Variants in APOL3 observed in about 807,000 individuals in gnomAD.
APOL3 encodes the protein TNF-inducible protein CG12-1.
In APOL3, 14 loss-of-function variants were observed where a neutral mutation model predicts 11.6. The ratio of observed to expected loss-of-function variants is 1.21; its 90% confidence interval spans 0.80 to 1.89. The LOEUF (loss-of-function observed/expected upper bound fraction) is 1.89. APOL3 is among the 40% of genes most tolerant of loss of function. The pLI is 0.00. For synonymous variants in APOL3, 192 were observed against 190.6 expected, an observed-to-expected ratio of 1.01 and a Z score of -0.06; for missense variants, 483 against 492.1, an observed-to-expected ratio of 0.98 and a Z score of 0.17.
upstream of APOL3, among the ~76,000 whole-genome samples, chr22:36,161,737 C>A (rs2013707662): frequency 6.6e-6 from 1 of 151,646 alleles, no homozygotes. Flanking sequence ...GAGTAAAAGA[C>A]AAAGACAAAA....
chr22:36,154,881 C>T (rs1206868977), intron 1 of APOL3, among the ~76,000 whole-genome samples: 1 of 152,220 alleles, frequency 6.6e-6, no homozygotes, highest in East Asian at 1.9e-4. Flanking sequence ...GAGATACCCA[C>T]TGGTAGACTT....
At chr22:36,156,618 C>A in intron 1 of APOL3, 1 of 218,212 alleles carries the variant, frequency 4.6e-6, no homozygotes, top group Non-Finnish European at 9.7e-6. Context: ...CCTTGGAATG[C>A]CTCCCCCACC....
At chr22:36,141,617 C>T in exon 3 of APOL3, 1 of 1,614,180 alleles carries the variant, frequency 6.2e-7, no homozygotes, top group South Asian at 1.1e-5. Context: ...CCTTAAATAC[C>T]TTCAATCGGT....
chr22:36,163,196 G>T (rs2013775861), upstream of APOL3, among the ~76,000 whole-genome samples: 1 of 152,196 alleles, frequency 6.6e-6, no homozygotes, highest in Non-Finnish European at 1.5e-5. Flanking sequence ...ACAGAGCCAG[G>T]AATCACCCTC....
At chr22:36,145,154 G>T (rs924176903) in intron 2 of APOL3, among the ~76,000 whole-genome samples, 1 of 152,082 alleles carries the variant, frequency 6.6e-6, no homozygotes, top group Admixed American at 6.5e-5. Flanking sequence ...ACATGCATTA[G>T]CTTATTTTTC....
intron 1 of APOL3, among the ~76,000 whole-genome samples, chr22:36,147,105 A>G (rs1397774495): frequency 6.6e-6 from 1 of 152,194 alleles, no homozygotes; most frequent in Non-Finnish European, 1.5e-5. Flanking sequence ...TGAAGACTCC[A>G]TATATTTTGA....
At chr22:36,165,990 T>C (rs1208472355) in exon 1 of APOL3, 2 of 152,206 alleles carry the variant, frequency 1.3e-5, no homozygotes, top group Non-Finnish European at 2.9e-5. Context: ...GCCATCCTAA[T>C]GGATGGAGTT....
rs371199119 is a variant in APOL3, at chr22:36,160,545, G to A, written c.223+124C>T. ...GCAAATTCAGGCTCTGCCATGGACC[G>A]AGATGTGACCTCAGTCAGTTACCTA... On this transcript the variant is annotated intron_variant, in intron 1 of 2. Transcript: ENST00000349314. 3,837 of 1,009,928 alleles carry A rather than the reference G, an allele frequency of 3.8e-3. 21 individuals carry two copies. The highest frequency in any genetic ancestry group is 3.8e-3 in the Non-Finnish European group (2,547 of 672,398). The allele number at this position is 1,009,928 out of a possible 1,614,324, so 62.6% of individuals were successfully genotyped here. A position where few individuals can be genotyped will look rare whatever the true frequency, so the allele number is the denominator to read the frequency against.
chr22:36,163,384 G>A (rs867885096), upstream of APOL3, among the ~76,000 whole-genome samples: 6 of 152,264 alleles, frequency 3.9e-5, no homozygotes, highest in South Asian at 2.1e-4. Context: ...TCCCCAAATC[G>A]TCCTCGCCCA....
chr22:36,145,265 G>A (rs2060150224), intron 2 of APOL3, among the ~76,000 whole-genome samples: 1 of 152,224 alleles, frequency 6.6e-6, no homozygotes, highest in African/African-American at 2.4e-5. Context: ...CCCTGCCCTT[G>A]TGGGCTTCCT....
exon 3 of APOL3, chr22:36,140,818 CA>C: frequency 5.4e-6 from 1 of 186,242 alleles, no homozygotes; most frequent in Non-Finnish European, 1.1e-5. Context: ...CTGCTGTATC[CA>C]AAAGTTCTAA....
chr22:36,161,785 T>C (rs186728802), upstream of APOL3, among the ~76,000 whole-genome samples: 5 of 152,294 alleles, frequency 3.3e-5, no homozygotes, highest in Non-Finnish European at 7.4e-5. Flanking sequence ...GGTTCCTTGC[T>C]TCTAGTGAAC....
At chr22:36,156,937 A>G in intron 1 of APOL3, 1 of 456,196 alleles carries the variant, frequency 2.2e-6, no homozygotes. Flanking sequence ...TCTGGACAAC[A>G]TGGCCCAGCT....
intron 1 of APOL3, among the ~76,000 whole-genome samples, chr22:36,145,982 C>CTT (rs1569529120): frequency 0.036 from 1,313 of 36,520 alleles, 14 homozygotes; most frequent in African/African-American, 0.093. Context: ...GTCTCTCTTT[C>CTT]TCTCTCTCTC....
intron 1 of APOL3, among the ~76,000 whole-genome samples, chr22:36,150,609 C>T (rs935363297): frequency 6.6e-5 from 10 of 152,338 alleles, no homozygotes; most frequent in East Asian, 1.9e-4. Context: ...TGGTGGCTCA[C>T]GCCTTAATCC....
exon 1 of APOL3, chr22:36,160,874 C>T (rs367922930): frequency 1.8e-5 from 29 of 1,613,378 alleles, no homozygotes; most frequent in Admixed American, 3.3e-5. Flanking sequence ...CCCAGCCCCA[C>T]CCTTGGCCCA....
intron 1 of APOL3, among the ~76,000 whole-genome samples, chr22:36,146,759 A>G (rs55936668): frequency 0.065 from 9,943 of 152,206 alleles, 456 homozygotes; most frequent in Non-Finnish European, 0.1. Context: ...AGAGAAACCA[A>G]TGAATATTCA....
At chr22:36,156,292 G>A (rs756461598) in intron 1 of APOL3, among the ~76,000 whole-genome samples, 3 of 152,008 alleles carry the variant, frequency 2.0e-5, no homozygotes, top group Non-Finnish European at 4.4e-5. Flanking sequence ...AGATGGGGTC[G>A]TGCTATGCTG....
chr22:36,150,733 A>T (rs2060401787), intron 1 of APOL3, among the ~76,000 whole-genome samples: 1 of 152,112 alleles, frequency 6.6e-6, no homozygotes, highest in Admixed American at 6.5e-5. Flanking sequence ...ACACACACAC[A>T]AATTAGCTGG....
Sources: allele counts gnomAD v4.1 joint callset (sites outside exome capture counted in the v4.1 genomes callset), GRCh38; gene constraint gnomAD v4.1.1; transcripts MANE v1.5; gene names NCBI Gene and HGNC (gene_info 2026-07-23, HGNC 2026-07-21).